The following CIT variants were observed in gnomAD, a reference collection of about 807,000 sequenced individuals.
The protein encoded by CIT is citron rho-interacting serine/threonine kinase.
In CIT, 79 loss-of-function variants were observed where a neutral mutation model predicts 272.7. The observed-to-expected ratio is 0.29, with a 90% confidence interval of 0.24 to 0.35. The LOEUF (loss-of-function observed/expected upper bound fraction) is 0.35, where lower values mean the gene tolerates loss of function less well. CIT is among the 10% of genes least tolerant of loss of function. The pLI, the probability that CIT is intolerant of heterozygous loss-of-function variation, is 1.00. For missense variants in CIT, 1,909 were observed against 2,618.3 expected (o/e 0.73, Z 5.91); for synonymous variants, 948 against 995.6 (o/e 0.95, Z 0.90).
intron 23 of CIT, 52 bp downstream of exon 23, chr12:119,751,998 T>G: frequency 6.6e-7 from 1 of 1,507,314 alleles, no homozygotes; most frequent in Non-Finnish European, 9.1e-7. Context: ...AGTTCCACAC[T>G]CATCCTAGCT....
At position 119,714,298 on chromosome 12, in the gene CIT, T is replaced by C. The variant is rs763529099; in HGVS notation, c.4205A>G (p.Asn1402Ser). The change falls in exon 33 of 48, where the codon AAT becomes AGT. Residue 1402 changes from asparagine (N) to serine (S), a missense_variant. Physicochemically the swap from Asn to Ser is conservative, Grantham distance 46. Transcript: ENST00000392521. ...TCCTACGTTGAATCGGTGAGGAATA[T>C]TGTGGTGCATGCGTTCCTTAAGACG... The part of the protein sequence containing the change: ...SRRLKERMHH[N>S]IPHRFNVGLN... 1.2e-5 allele frequency: 20 copies of C among 1,613,992 alleles called. No homozygotes were observed. The highest frequency in any genetic ancestry group is 4.0e-5 in the African/African-American group (3 of 74,888).
chr12:119,842,347 C>G (rs1284386189), intron 5 of CIT, among the ~76,000 whole-genome samples: 1 of 145,044 alleles, frequency 6.9e-6, no homozygotes, highest in Admixed American at 7.2e-5. Flanking sequence ...TGAGATCATG[C>G]CACTGCACTC....
chr12:119,706,432 C>T (rs986176079), intron 40 of CIT, among the ~76,000 whole-genome samples: 4 of 152,126 alleles, frequency 2.6e-5, no homozygotes, highest in Non-Finnish European at 4.4e-5. Flanking sequence ...GATCCCCTCC[C>T]TCCTCCCACC....
intron 46 of CIT, among the ~76,000 whole-genome samples, chr12:119,692,512 G>C (rs1417996676): frequency 6.6e-6 from 1 of 152,200 alleles, no homozygotes; most frequent in African/African-American, 2.4e-5. Flanking sequence ...TCTAGAACAG[G>C]CTTGAGGGCC....
At chr12:119,779,071 T>G (rs907377031) in intron 13 of CIT, among the ~76,000 whole-genome samples, 1 of 151,954 alleles carries the variant, frequency 6.6e-6, no homozygotes, top group Non-Finnish European at 1.5e-5. Context: ...TATACAAAAA[T>G]TAGCCAGACA....
intron 7 of CIT, among the ~76,000 whole-genome samples, chr12:119,825,904 T>C (rs531139427): frequency 1.3e-5 from 2 of 152,058 alleles, no homozygotes; most frequent in East Asian, 3.9e-4. Flanking sequence ...CCCATCTCTA[T>C]TAAAAATACA....
Position 119,718,721 on chromosome 12 carries a change from C to T in CIT, c.3981G>A (p.Glu1327=). The change falls in exon 31 of 48, where the codon GAG becomes GAA. Residue 1327 remains glutamate (E), a synonymous_variant. Transcript: ENST00000392521. This position sits in a 1 kb window ranked among gnomAD's most constrained non-coding sequence, Gnocchi z 4.8. Reference sequence around the variant, plus strand: ...TACCTTCCTCCCGGGCGGACCGGAGCTCGATGCGGGTCTTCTGAAGGGCTT... The same window carrying T: ...TACCTTCCTCCCGGGCGGACCGGAGTTCGATGCGGGTCTTCTGAAGGGCTT... ...LEEALQKTRI[E]LRSAREEAAH... is the part of the protein sequence containing the mutation. 1 of 1,613,686 alleles carries T rather than the reference C, an allele frequency of 6.2e-7. No homozygotes were observed. The highest frequency in any genetic ancestry group is 8.5e-7 in the Non-Finnish European group (1 of 1,180,038).
Position 119,714,228 on chromosome 12 carries a change from C to T in CIT, c.4275G>A (p.Val1425=), listed in dbSNP as rs373068114. Residue 1425 remains valine, a synonymous_variant, in exon 33 of 48, where the codon GTG becomes GTA. Coordinates refer to ENST00000392521, the MANE Select transcript of CIT (RefSeq NM_001206999.2). The stretch of plus-strand genomic sequence containing the variant: ...ATTTGGATGCCTGGCGTCCAAAGTG[C>T]ACGGTATCCAGACACACAGCACACT... ...ATKCAVCLDT[V]HFGRQASKCL... 6.2e-7 allele frequency: 1 copy of T among 1,614,116 alleles called. No homozygotes were observed.
At chr12:119,861,595 AAAAAGAAAAG>A (rs957340148) in intron 3 of CIT, among the ~76,000 whole-genome samples, 38 of 152,266 alleles carry the variant, frequency 2.5e-4, no homozygotes, top group African/African-American at 7.2e-4. Flanking sequence ...CTCAAAAAAA[AAAAAGAAAAG>A]AAAAGAAAAG....
At chr12:119,699,098 T>C (rs1185152223) in intron 44 of CIT, among the ~76,000 whole-genome samples, 1 of 151,550 alleles carries the variant, frequency 6.6e-6, no homozygotes, top group African/African-American at 2.4e-5. Flanking sequence ...CTACTAAACA[T>C]AGAAAAAATT....
intron 29 of CIT, among the ~76,000 whole-genome samples, chr12:119,720,842 C>A (rs777692942): frequency 2.6e-5 from 4 of 152,214 alleles, no homozygotes; most frequent in Non-Finnish European, 5.9e-5. Flanking sequence ...AATCTTCCAA[C>A]TTCTCTGAAT....
At chr12:119,829,401 G>GAAGAGAA (rs1173689452) in intron 7 of CIT, among the ~76,000 whole-genome samples, 2 of 137,610 alleles carry the variant, frequency 1.5e-5, no homozygotes, top group African/African-American at 5.1e-5. Context: ...GAAGAGAAGA[G>GAAGAGAA]AAGAGCTTAC....
chr12:119,863,531 T>A (rs1391770090), intron 3 of CIT, among the ~76,000 whole-genome samples: 1 of 152,080 alleles, frequency 6.6e-6, no homozygotes, highest in Non-Finnish European at 1.5e-5. Flanking sequence ...TTTGTTTTTT[T>A]TGTTTGTTTG....
chr12:119,717,502 C>T (rs1484395303), intron 32 of CIT, among the ~76,000 whole-genome samples: 3 of 145,910 alleles, frequency 2.1e-5, no homozygotes, highest in Non-Finnish European at 4.4e-5. Context: ...CTCACTGCAA[C>T]CTCCACCTCC....
chr12:119,766,511 A>G (rs1440135031), intron 19 of CIT, among the ~76,000 whole-genome samples: 5 of 152,200 alleles, frequency 3.3e-5, no homozygotes, highest in African/African-American at 1.2e-4. Flanking sequence ...TAGGGAAGGT[A>G]GGGATGGTTA....
At chr12:119,820,256 A>T (rs966082985) in intron 9 of CIT, among the ~76,000 whole-genome samples, 8 of 152,216 alleles carry the variant, frequency 5.3e-5, no homozygotes, top group Non-Finnish European at 2.9e-5. Flanking sequence ...GTTATGTAAG[A>T]GTTAACACTG....
chr12:119,760,520 G>A (rs1350304695), intron 20 of CIT, among the ~76,000 whole-genome samples: 2 of 151,964 alleles, frequency 1.3e-5, no homozygotes, highest in African/African-American at 2.4e-5. Context: ...TCAGTTACTT[G>A]GGAGGCTGAG....
chr12:119,747,360 G>T (rs1047830618), intron 23 of CIT, among the ~76,000 whole-genome samples: 4 of 151,218 alleles, frequency 2.6e-5, no homozygotes, highest in Non-Finnish European at 4.4e-5. Flanking sequence ...GGTGGAGGTT[G>T]CAGTGAGCCA....
intron 5 of CIT, among the ~76,000 whole-genome samples, chr12:119,847,823 G>A (rs1224582409): frequency 1.3e-5 from 2 of 152,170 alleles, no homozygotes; most frequent in Non-Finnish European, 2.9e-5. Context: ...CCCAGGAGGT[G>A]GAGGTTGCAG....
Sources: allele counts gnomAD v4.1 joint callset (sites outside exome capture counted in the v4.1 genomes callset), GRCh38; gene constraint gnomAD v4.1.1; non-coding constraint Gnocchi (gnomAD v3.1); transcripts MANE v1.5; gene names NCBI Gene and HGNC (gene_info 2026-07-23, HGNC 2026-07-21).